Variants in TPO observed in about 807,000 individuals in gnomAD.
TPO encodes the protein thyroid peroxidase, also known as thyroid microsomal antigen.
TPO carries 78 observed loss-of-function variants against 96.9 expected under a neutral mutation model. The ratio of observed to expected loss-of-function variants is 0.81; its 90% CI spans 0.67 to 0.97. The LOEUF is 0.97. TPO is among the 50% of genes least tolerant of loss of function. The probability of loss-of-function intolerance (pLI) is 0.00; values close to 1 mark genes in which losing one functional copy is unlikely to be tolerated. For missense variants in TPO, 1,252 were observed against 1,274.8 expected (o/e 0.98, Z 0.27); for synonymous variants, 547 against 538.0 (o/e 1.02, Z -0.23).
rs565477785 is a variant in TPO at position 1,475,770 on chromosome 2, C to T, written c.820-1316C>T. The stretch of plus-strand genomic sequence containing the variant: ...CCCGGCCGGAAGCGCTTGTTTAATG[C>T]ACGATCTTTTTTAACGTGGACCCTG... On this transcript the variant is annotated intron_variant, in intron 7 of 16. Coordinates refer to ENST00000329066, the MANE Select transcript of TPO (RefSeq NM_001206744.2). 1.5e-4 allele frequency among the ~76,000 whole-genome samples: 23 copies of T among 152,358 alleles called. No individual in the cohort carries two copies. In the East Asian group the frequency reaches 4.5e-3, roughly 29 times the overall value.
intron 14 of TPO, among the ~76,000 whole-genome samples, chr2:1,514,104 C>A (rs1045276007): frequency 3.3e-5 from 5 of 152,120 alleles, no homozygotes; most frequent in Admixed American, 3.3e-4. Flanking sequence ...AACTGGAGCC[C>A]CAGGGGAGCT....
intron 15 of TPO, among the ~76,000 whole-genome samples, chr2:1,537,032 A>T (rs57537887): frequency 9.7e-5 from 1 of 10,332 alleles, no homozygotes; most frequent in Non-Finnish European, 1.5e-4. Flanking sequence ...GTCCTCAAAT[A>T]CCCCCACTGT....
intron 15 of TPO, among the ~76,000 whole-genome samples, chr2:1,538,978 G>A (rs528224740): frequency 6.6e-6 from 1 of 152,138 alleles, no homozygotes; most frequent in South Asian, 2.1e-4. Flanking sequence ...TCTCCCCTGC[G>A]TGTCTGTATT....
At chr2:1,500,473 G>A (rs1672762519) in intron 13 of TPO, among the ~76,000 whole-genome samples, 2 of 152,144 alleles carry the variant, frequency 1.3e-5, no homozygotes, top group South Asian at 4.1e-4. Flanking sequence ...ATAACAGACA[G>A]GAAACTTTAC....
chr2:1,420,125 C>T (rs935983522), intron 2 of TPO, among the ~76,000 whole-genome samples: 4 of 152,080 alleles, frequency 2.6e-5, no homozygotes, highest in African/African-American at 9.7e-5. Flanking sequence ...ATCTGCAAGC[C>T]TATAAGAATG....
Position 1,484,751 on chromosome 2 carries a change from C to T in TPO, c.1494C>T (p.His498=). The T allele has an allele frequency of 1.2e-6, 2 of 1,614,126 alleles. No individual in the cohort carries two copies. Among genetic ancestry groups the T allele is most frequent in the Non-Finnish European group, 1.7e-6 (2 of 1,180,030 alleles). The part of the protein sequence containing the change: ...AAFRFGHATI[H]PLVRRLDASF... Reference sequence around the variant, plus strand: ...TCCGCTTCGGCCATGCCACGATCCACCCGCTGGTGAGGAGGCTGGACGCCA... The same window carrying T: ...TCCGCTTCGGCCATGCCACGATCCATCCGCTGGTGAGGAGGCTGGACGCCA... Residue 498 remains histidine, a synonymous_variant, in exon 9 of 17, where the codon CAC becomes CAT. Coordinates refer to ENST00000329066, the MANE Select transcript of TPO (RefSeq NM_001206744.2).
chr2:1,475,454 C>G (rs895383887), intron 7 of TPO, among the ~76,000 whole-genome samples: 2 of 151,350 alleles, frequency 1.3e-5, no homozygotes, highest in Non-Finnish European at 2.9e-5. Context: ...GACGGAATCT[C>G]GCTCTGTCAC....
chr2:1,438,862 G>GCC (rs1365985979), intron 5 of TPO: 1 of 715,978 alleles, frequency 1.4e-6, no homozygotes, highest in East Asian at 2.7e-5. Context: ...CAACTAACCT[G>GCC]TTTAACTAGG....
intron 16 of TPO, chr2:1,541,153 G>C: frequency 8.5e-7 from 1 of 1,178,530 alleles, no homozygotes; most frequent in South Asian, 1.7e-5. Context: ...AACCCCAAGG[G>C]AGGCCATATC....
chr2:1,495,103 C>T (rs138803780), intron 11 of TPO, among the ~76,000 whole-genome samples: 2 of 152,326 alleles, frequency 1.3e-5, no homozygotes, highest in East Asian at 1.9e-4. Context: ...GTGGCTGAAG[C>T]GCCATCTGAA....
chr2:1,491,637 C>T (rs1456116597), intron 10 of TPO, among the ~76,000 whole-genome samples: 1 of 152,208 alleles, frequency 6.6e-6, no homozygotes, highest in African/African-American at 2.4e-5. Flanking sequence ...GCTGTGTCCC[C>T]CAAGCCCTGT....
intron 5 of TPO, among the ~76,000 whole-genome samples, chr2:1,440,446 A>C (rs1326792292): frequency 6.6e-6 from 1 of 152,226 alleles, no homozygotes; most frequent in Non-Finnish European, 1.5e-5. Context: ...TTACTTAACA[A>C]GTAGTGGAAA....
chr2:1,498,227 G>A (rs1672548297), intron 13 of TPO, among the ~76,000 whole-genome samples: 1 of 152,210 alleles, frequency 6.6e-6, no homozygotes, highest in Non-Finnish European at 1.5e-5. Flanking sequence ...CATAAAGGGA[G>A]AGGCTGAGAC....
At chr2:1,435,360 C>A (rs1665465205) in intron 4 of TPO, among the ~76,000 whole-genome samples, 1 of 152,232 alleles carries the variant, frequency 6.6e-6, no homozygotes, top group South Asian at 2.1e-4. Flanking sequence ...ATGCACACTG[C>A]AGTCCAAGGT....
Position 1,484,901 on chromosome 2 carries a change from C to CT in TPO, c.1597+54dup, listed in dbSNP as rs760255981. ...AGCTGGTCCCCATGAACTCTTCCTTCTTTTTTTAATTTTTTTAAATTATAT... is the reference window on the plus strand; with the variant it reads ...AGCTGGTCCCCATGAACTCTTCCTTCTTTTTTTTAATTTTTTTAAATTATAT... On this transcript the variant is annotated intron_variant, in intron 9 of 16. Coordinates refer to ENST00000329066, the MANE Select transcript of TPO (RefSeq NM_001206744.2). 3.6e-5 allele frequency: 58 copies of CT among 1,608,860 alleles called. No homozygotes were observed. The African/African-American group carries it at 7.1e-4, about 20-fold the overall frequency.
At chr2:1,426,819 AC>A (rs1664459659) in intron 3 of TPO, among the ~76,000 whole-genome samples, 2 of 152,230 alleles carry the variant, frequency 1.3e-5, no homozygotes, top group Non-Finnish European at 2.9e-5. Context: ...ATCCTTCAAA[AC>A]ACATCTAGTT....
chr2:1,472,337 G>GATCTGAGCACT (rs1306500251), intron 7 of TPO, among the ~76,000 whole-genome samples: 1 of 151,460 alleles, frequency 6.6e-6, no homozygotes, highest in Non-Finnish European at 1.5e-5. Flanking sequence ...GTGTCCTTCT[G>GATCTGAGCACT]ATGATCTGAG....
intron 1 of TPO, among the ~76,000 whole-genome samples, chr2:1,376,471 G>C (rs1420524528): frequency 1.3e-5 from 2 of 152,184 alleles, no homozygotes; most frequent in East Asian, 3.9e-4. Flanking sequence ...TGCTTGTTAT[G>C]ATGAGCCTTC....
intron 1 of TPO, among the ~76,000 whole-genome samples, chr2:1,374,591 C>G (rs191427337): frequency 2.0e-5 from 3 of 152,136 alleles, no homozygotes; most frequent in African/African-American, 7.2e-5. Flanking sequence ...TTGCCCCTTT[C>G]GGGTTCTAAG....
Sources: allele counts gnomAD v4.1 joint callset (sites outside exome capture counted in the v4.1 genomes callset), GRCh38; gene constraint gnomAD v4.1.1; transcripts MANE v1.5; gene names NCBI Gene and HGNC (gene_info 2026-07-23, HGNC 2026-07-21).